EFL1: variants seen among roughly 807,000 people sequenced by gnomAD.
EFL1 encodes elongation factor-like GTPase 1.
EFL1 carries 76 observed loss-of-function variants against 126.7 expected under a neutral mutation model. The observed-to-expected ratio is 0.60, with a 90% CI of 0.50 to 0.73. The LOEUF is 0.73. Among genes scored for constraint, EFL1 ranks in the 30% least tolerant of loss-of-function variants. EFL1 has a pLI of 0.00. For synonymous variants in EFL1, 410 were observed against 448.4 expected (o/e 0.91, Z 1.08); for missense variants, 1,128 against 1,343.2 (o/e 0.84, Z 2.50).
At position 82,219,509 on chromosome 15, in the gene EFL1, CA is replaced by C. The variant is rs2074685457; in HGVS notation, c.1611+142del. ...TATGACAAATGTTATCAAAGCAACA[CA>C]AAAGGATACACAGTCACTCAAGTGT... On this transcript the variant is annotated intron_variant, in intron 14 of 19. Transcript: ENST00000268206. The C allele has an allele frequency of 1.8e-5, 16 of 913,234 alleles. No individual in the cohort carries two copies. The South Asian group carries it at 2.8e-4, about 16-fold the overall frequency. The allele number at this position is 913,234 out of a possible 1,614,324, so 56.6% of individuals were successfully genotyped here.
intron 7 of EFL1, among the ~76,000 whole-genome samples, chr15:82,232,319 A>T (rs563101434): frequency 6.6e-6 from 1 of 152,350 alleles, no homozygotes; most frequent in African/African-American, 2.4e-5. Context: ...TGAGCGATGA[A>T]TACATGAAAC....
intron 13 of EFL1, 108 bp from the exon 14 acceptor site, chr15:82,219,926 A>G (rs2074691905): frequency 6.8e-7 from 1 of 1,474,598 alleles, no homozygotes; most frequent in Non-Finnish European, 9.1e-7. Flanking sequence ...AAGTTTCAGG[A>G]AAAAAAAGAA....
chr15:82,182,668 C>CA (rs1264972178), intron 15 of EFL1, among the ~76,000 whole-genome samples: 2 of 151,780 alleles, frequency 1.3e-5, no homozygotes, highest in African/African-American at 2.4e-5. Flanking sequence ...CTAAAAAATA[C>CA]AAAAAAATTA....
chr15:82,174,623 T>A (rs754249280), intron 15 of EFL1, among the ~76,000 whole-genome samples: 9 of 151,844 alleles, frequency 5.9e-5, no homozygotes, highest in Non-Finnish European at 8.8e-5. Context: ...ACAGAGGGAG[T>A]CTTGGATTCC....
chr15:82,229,830 T>C (rs1374368726), intron 8 of EFL1, among the ~76,000 whole-genome samples: 2 of 152,228 alleles, frequency 1.3e-5, no homozygotes, highest in Admixed American at 6.5e-5. Flanking sequence ...TCATAAATGA[T>C]AGTGCTCTCA....
intron 17 of EFL1, 67 bp from the exon 18 acceptor site, chr15:82,152,490 A>T: frequency 2.3e-6 from 3 of 1,292,468 alleles, no homozygotes; most frequent in Non-Finnish European, 3.2e-6. Flanking sequence ...TCCTGTGTAG[A>T]AATTACTACA....
chr15:82,170,154 G>A (rs927236759), intron 15 of EFL1, among the ~76,000 whole-genome samples: 17 of 119,602 alleles, frequency 1.4e-4, no homozygotes, highest in East Asian at 2.4e-4. Flanking sequence ...TCGCTCTGTC[G>A]CCCAGGCTGG....
intron 18 of EFL1, among the ~76,000 whole-genome samples, chr15:82,147,967 T>G (rs998466950): frequency 2.6e-5 from 4 of 152,168 alleles, no homozygotes; most frequent in Non-Finnish European, 2.9e-5. Flanking sequence ...GCAAAGAGCT[T>G]TTTCCAATAC....
intron 15 of EFL1, among the ~76,000 whole-genome samples, chr15:82,185,517 C>T (rs1048284120): frequency 2.0e-5 from 3 of 151,592 alleles, no homozygotes; most frequent in Non-Finnish European, 4.4e-5. Context: ...ACTTTTATGG[C>T]AAAAAATCAA....
chr15:82,138,855 A>G lies in EFL1; in HGVS notation c.2990-13T>C. ...GCATAGACTCGACCTGTAAAACCAT[A>G]AATCTTTTAAAATCATGGATCAATC... On this transcript the variant is annotated splice_polypyrimidine_tract_variant and intron_variant, in intron 18 of 19. Transcript: ENST00000268206. 1.2e-6 allele frequency: 2 copies of G among 1,607,302 alleles called. No homozygotes were observed. The highest frequency in any genetic ancestry group is 1.3e-5 in the African/African-American group (1 of 74,786).
chr15:82,171,143 A>C (rs2074131307), intron 15 of EFL1, among the ~76,000 whole-genome samples: 1 of 152,256 alleles, frequency 6.6e-6, no homozygotes, highest in Admixed American at 6.5e-5. Context: ...ACAGGTATAC[A>C]AATGGTCCTG....
At chr15:82,149,809 A>G (rs1340779262) in intron 18 of EFL1, among the ~76,000 whole-genome samples, 2 of 152,230 alleles carry the variant, frequency 1.3e-5, no homozygotes, top group African/African-American at 4.8e-5. Flanking sequence ...ATTTTGCTCA[A>G]TATAGAAAAA....
intron 4 of EFL1, among the ~76,000 whole-genome samples, chr15:82,241,876 T>G (rs909618169): frequency 1.3e-5 from 2 of 152,256 alleles, no homozygotes; most frequent in East Asian, 3.8e-4. Context: ...TGTATGAATC[T>G]GCTCAATCAA....
intron 2 of EFL1, among the ~76,000 whole-genome samples, chr15:82,261,455 A>G (rs1383617108): frequency 4.6e-5 from 7 of 152,234 alleles, no homozygotes; most frequent in Non-Finnish European, 1.0e-4. Context: ...GTTCTGCTTT[A>G]AAAAACAACA....
intron 15 of EFL1, among the ~76,000 whole-genome samples, chr15:82,199,490 GTATGA>G (rs2074444878): frequency 6.6e-6 from 1 of 152,230 alleles, no homozygotes; most frequent in Non-Finnish European, 1.5e-5. Context: ...ATAAGACCTT[GTATGA>G]AAATGGAAAA....
At chr15:82,220,577 G>A (rs1441061080) in intron 12 of EFL1, among the ~76,000 whole-genome samples, 8 of 152,230 alleles carry the variant, frequency 5.3e-5, no homozygotes, top group African/African-American at 1.2e-4. Context: ...GGTTTGGAAC[G>A]ACTCTGGCAG....
intron 15 of EFL1, among the ~76,000 whole-genome samples, chr15:82,202,721 TA>T (rs2141283362): frequency 6.6e-6 from 1 of 152,274 alleles, no homozygotes; most frequent in Non-Finnish European, 1.5e-5. Context: ...ATTTCCAAAT[TA>T]AACACTTTTT....
Position 82,252,738 on chromosome 15 carries a change from C to T in EFL1, c.197G>A (p.Arg66Gln), listed in dbSNP as rs774092171. Residue 66 changes from arginine (R) to glutamine (Q), a missense_variant, in exon 4 of 20, where the codon CGA becomes CAA. Transcript: ENST00000268206. ...YMDSREDEQI[R>Q]GITMKSSAIS... ...GGCACTGGATTTCATAGTGATCCCT[C>T]GGATCTGTTCATCTTCTCTGCTGTC... 4 of 1,612,562 alleles carry T rather than the reference C, an allele frequency of 2.5e-6. No individual in the cohort carries two copies. Among genetic ancestry groups the T allele is most frequent in the South Asian group, 2.2e-5 (2 of 90,986 alleles).
chr15:82,246,043 C>A (rs1014684885), intron 4 of EFL1, among the ~76,000 whole-genome samples: 2 of 152,044 alleles, frequency 1.3e-5, no homozygotes, highest in Non-Finnish European at 1.5e-5. Context: ...AAACCCGACC[C>A]GAAGACCTCT....
Sources: gnomAD v4.1 joint callset for allele counts (sites outside exome capture counted in the v4.1 genomes callset) on GRCh38, gnomAD v4.1.1 for gene constraint, MANE v1.5 for transcripts, NCBI Gene and HGNC (gene_info 2026-07-23, HGNC 2026-07-21) for gene names.